The following KLHL29 variants were observed in gnomAD, a reference collection of about 807,000 sequenced individuals.
The protein encoded by KLHL29 is kelch-like protein 29.
Under a neutral mutation model 80.4 loss-of-function variants are expected in KLHL29, and 21 were observed. That is an observed-to-expected ratio of 0.26 (90% CI 0.19 to 0.38). The LOEUF is 0.38. Among genes scored for constraint, KLHL29 ranks in the 10% least tolerant of loss-of-function variants. The pLI is 1.00. For missense variants in KLHL29, 867 were observed against 1,223.9 expected, an observed-to-expected ratio of 0.71 and a Z score of 4.35; for synonymous variants, 511 against 526.8, an observed-to-expected ratio of 0.97 and a Z score of 0.41.
At chr2:23,571,427 A>G (rs1052491206) in intron 3 of KLHL29, among the ~76,000 whole-genome samples, 2 of 152,190 alleles carry the variant, frequency 1.3e-5, no homozygotes, top group African/African-American at 2.4e-5. Flanking sequence ...TTCCCAGCAG[A>G]ACCCCCATTC....
intron 1 of KLHL29, among the ~76,000 whole-genome samples, chr2:23,471,966 T>C (rs935451646): frequency 7.2e-5 from 11 of 152,114 alleles, no homozygotes; most frequent in Non-Finnish European, 1.3e-4. Flanking sequence ...ATGTATCTCA[T>C]TAGAGTGGGA....
intron 2 of KLHL29, among the ~76,000 whole-genome samples, chr2:23,560,821 A>C (rs1332263280): frequency 6.6e-6 from 1 of 152,222 alleles, no homozygotes; most frequent in South Asian, 2.1e-4. Flanking sequence ...GGTTGGGCAC[A>C]GGCCCTGGCT....
chr2:23,621,526 T>G (rs1572445027), intron 3 of KLHL29, among the ~76,000 whole-genome samples: 2 of 129,766 alleles, frequency 1.5e-5, no homozygotes, highest in Admixed American at 1.8e-4. Context: ...GAGGAAGAGC[T>G]CAGGAGGAGG....
At chr2:23,389,693 A>G (rs1247417501) in intron 1 of KLHL29, among the ~76,000 whole-genome samples, 2 of 151,586 alleles carry the variant, frequency 1.3e-5, no homozygotes, top group Non-Finnish European at 2.9e-5. Flanking sequence ...GTCTCAGAAA[A>G]AAAAAAGGGG....
intron 1 of KLHL29, among the ~76,000 whole-genome samples, chr2:23,418,736 T>A (rs1662682526): frequency 6.6e-6 from 1 of 152,000 alleles, no homozygotes; most frequent in South Asian, 2.1e-4. Context: ...ACTTAACCCC[T>A]CTGAGTCTCA....
intron 2 of KLHL29, among the ~76,000 whole-genome samples, chr2:23,550,225 A>G (rs1667087962): frequency 6.6e-6 from 1 of 152,170 alleles, no homozygotes; most frequent in African/African-American, 2.4e-5. Context: ...AAAAGGGCAG[A>G]TCGTGCATTA....
chr2:23,588,006 C>G (rs985913532), intron 3 of KLHL29, among the ~76,000 whole-genome samples: 6 of 152,216 alleles, frequency 3.9e-5, no homozygotes, highest in Non-Finnish European at 8.8e-5. Flanking sequence ...AGTCCTCTCA[C>G]CTGCCCTCTG....
At chr2:23,699,625 T>C (rs544927631) in intron 11 of KLHL29, among the ~76,000 whole-genome samples, 165 of 152,310 alleles carry the variant, frequency 1.1e-3, no homozygotes, top group Non-Finnish European at 2.1e-3. Context: ...ACTTCATCCT[T>C]TTCCTCTGCT....
chr2:23,626,107 G>T (rs916944463), intron 3 of KLHL29, among the ~76,000 whole-genome samples: 2 of 151,970 alleles, frequency 1.3e-5, no homozygotes, highest in African/African-American at 4.8e-5. Flanking sequence ...GAGTTGGGGG[G>T]GCAGTTTCTG....
At chr2:23,611,700 T>C (rs775954932) in intron 3 of KLHL29, among the ~76,000 whole-genome samples, 9 of 152,190 alleles carry the variant, frequency 5.9e-5, no homozygotes, top group Non-Finnish European at 1.0e-4. Context: ...GGGTTCCAGA[T>C]ATATTGGAAT....
At chr2:23,613,378 A>T (rs974809209) in intron 3 of KLHL29, among the ~76,000 whole-genome samples, 10 of 152,248 alleles carry the variant, frequency 6.6e-5, no homozygotes, top group Non-Finnish European at 1.3e-4. Flanking sequence ...AGGCAAAAAG[A>T]TATACTATGC....
intron 6 of KLHL29, chr2:23,691,286 C>A: frequency 3.7e-6 from 1 of 269,278 alleles, no homozygotes; most frequent in Non-Finnish European, 7.2e-6. Flanking sequence ...ATCTGCCACC[C>A]AAGGCAGGCA....
chr2:23,504,217 T>C (rs1392286128), intron 2 of KLHL29, among the ~76,000 whole-genome samples: 2 of 152,186 alleles, frequency 1.3e-5, no homozygotes, highest in African/African-American at 2.4e-5. Context: ...AAAAAAATTA[T>C]TAGAATTTTT....
At chr2:23,589,717 A>C (rs1213999169) in intron 3 of KLHL29, among the ~76,000 whole-genome samples, 5 of 152,222 alleles carry the variant, frequency 3.3e-5, no homozygotes, top group African/African-American at 1.2e-4. Flanking sequence ...TGAGTTGAGC[A>C]AACAGTCCAA....
intron 2 of KLHL29, among the ~76,000 whole-genome samples, chr2:23,505,646 T>C (rs1262817204): frequency 2.6e-5 from 4 of 152,148 alleles, no homozygotes; most frequent in Non-Finnish European, 4.4e-5. Context: ...AGGAGGGAAG[T>C]CCTCCCAAGT....
intron 2 of KLHL29, among the ~76,000 whole-genome samples, chr2:23,528,727 C>T (rs1666403883): frequency 6.6e-6 from 1 of 152,262 alleles, no homozygotes; most frequent in Non-Finnish European, 1.5e-5. Flanking sequence ...GTGAAGGCTA[C>T]TTCCTAGATC....
chr2:23,595,095 C>T (rs1449856932), intron 3 of KLHL29, among the ~76,000 whole-genome samples: 1 of 152,134 alleles, frequency 6.6e-6, no homozygotes, highest in African/African-American at 2.4e-5. Flanking sequence ...TGGTGGACTT[C>T]TCTGTCCATT....
chr2:23,462,757 A>G (rs1664250140), intron 1 of KLHL29, among the ~76,000 whole-genome samples: 1 of 152,246 alleles, frequency 6.6e-6, no homozygotes. Flanking sequence ...TGAATATATT[A>G]AATTTTTTTG....
chr2:23,621,646 T>C (rs1669187141), intron 3 of KLHL29, among the ~76,000 whole-genome samples: 1 of 151,392 alleles, frequency 6.6e-6, no homozygotes, highest in Non-Finnish European at 1.5e-5. Context: ...TGGAGGTGAA[T>C]GGAGATGCCG....
Sources: gnomAD v4.1 joint callset for allele counts (sites outside exome capture counted in the v4.1 genomes callset) on GRCh38, gnomAD v4.1.1 for gene constraint, MANE v1.5 for transcripts, NCBI Gene and HGNC (gene_info 2026-07-23, HGNC 2026-07-21) for gene names.